Variants in FAM107B observed in about 807,000 individuals in gnomAD.
FAM107B encodes the protein protein FAM107B.
FAM107B carries 21 observed loss-of-function variants against 31.5 expected under a neutral mutation model. The observed-to-expected ratio is 0.67, with a 90% CI of 0.47 to 0.96. The LOEUF (loss-of-function observed/expected upper bound fraction) is 0.96, where lower values mean the gene tolerates loss of function less well. Ranked by LOEUF, FAM107B falls within the 40% of genes least tolerant of loss-of-function variation. The pLI is 0.00. For synonymous variants in FAM107B, 157 were observed against 141.5 expected, an observed-to-expected ratio of 1.11 and a Z score of -0.78; for missense variants, 452 against 377.1, an observed-to-expected ratio of 1.20 and a Z score of -1.64.
intron 2 of FAM107B, among the ~76,000 whole-genome samples, chr10:14,624,718 A>G (rs11592456): frequency 0.36 from 54,866 of 152,152 alleles, 11,212 homozygotes; most frequent in Non-Finnish European, 0.45. Flanking sequence ...AACAAGCTGC[A>G]CTCATGACAA....
chr10:14,608,846 G>T (rs545141116), intron 2 of FAM107B, among the ~76,000 whole-genome samples: 19 of 152,328 alleles, frequency 1.2e-4, no homozygotes, highest in African/African-American at 4.6e-4. Flanking sequence ...GCTGTACTAG[G>T]AGAGGAGGAA....
At chr10:14,556,789 G>C (rs1849742299) in intron 2 of FAM107B, among the ~76,000 whole-genome samples, 1 of 152,138 alleles carries the variant, frequency 6.6e-6, no homozygotes, top group African/African-American at 2.4e-5. Flanking sequence ...CGTGCACTAA[G>C]AATGGACTTT....
chr10:14,663,418 T>C (rs66914313), intron 2 of FAM107B: 13,111 of 152,312 alleles, frequency 0.086, 577 homozygotes, highest in East Asian at 0.19. Context: ...CCCATCCAAG[T>C]ACTAACCAGG....
chr10:14,568,234 C>A (rs1338758702), intron 2 of FAM107B, among the ~76,000 whole-genome samples: 1 of 152,014 alleles, frequency 6.6e-6, no homozygotes, highest in East Asian at 1.9e-4. Flanking sequence ...GATCCCAAGG[C>A]ACATACAGGG....
intron 2 of FAM107B, among the ~76,000 whole-genome samples, chr10:14,619,193 A>G (rs555161598): frequency 1.3e-4 from 20 of 152,254 alleles, no homozygotes; most frequent in African/African-American, 4.8e-4. Context: ...GTTTTAAGCC[A>G]CTCACTTTGC....
At chr10:14,741,670 A>T (rs1054195914) in intron 1 of FAM107B, among the ~76,000 whole-genome samples, 3 of 151,536 alleles carry the variant, frequency 2.0e-5, no homozygotes, top group African/African-American at 7.3e-5. Flanking sequence ...ACATGTGACA[A>T]AATGGTGTTA....
At chr10:14,522,981 C>G (rs2130768166) in intron 3 of FAM107B, among the ~76,000 whole-genome samples, 1 of 152,224 alleles carries the variant, frequency 6.6e-6, no homozygotes, top group Middle Eastern at 3.4e-3. Flanking sequence ...TCAGGGAAGT[C>G]CTACATTTCT....
chr10:14,690,252 C>A (rs1374747195), intron 1 of FAM107B, among the ~76,000 whole-genome samples: 2 of 152,206 alleles, frequency 1.3e-5, no homozygotes, highest in Non-Finnish European at 2.9e-5. Flanking sequence ...ACTCCACTGG[C>A]TCTCACCTTC....
At chr10:14,553,312 C>A in intron 2 of FAM107B, 1 of 1,248,890 alleles carries the variant, frequency 8.0e-7, no homozygotes, top group South Asian at 1.4e-5. Flanking sequence ...GTAAATTTCC[C>A]CACACTTACT....
At chr10:14,677,051 A>C (rs1314478090) in intron 1 of FAM107B, among the ~76,000 whole-genome samples, 2 of 152,126 alleles carry the variant, frequency 1.3e-5, no homozygotes, top group Admixed American at 6.5e-5. Flanking sequence ...TCAAGACTTT[A>C]TTGTAGCCCA....
chr10:14,625,320 T>C (rs115067865), intron 2 of FAM107B, among the ~76,000 whole-genome samples: 221 of 151,870 alleles, frequency 1.5e-3, no homozygotes, highest in African/African-American at 5.1e-3. Context: ...TTTTTCAACC[T>C]GCCATGAAAT....
chr10:14,680,856 C>T (rs1157016172), intron 1 of FAM107B, among the ~76,000 whole-genome samples: 1 of 152,134 alleles, frequency 6.6e-6, no homozygotes, highest in Non-Finnish European at 1.5e-5. Context: ...TGCCCAATCC[C>T]ACCCATTTCT....
At chr10:14,641,891 G>A (rs1853637790) in intron 2 of FAM107B, among the ~76,000 whole-genome samples, 1 of 152,164 alleles carries the variant, frequency 6.6e-6, no homozygotes, top group African/African-American at 2.4e-5. Context: ...AGCTCCAAGA[G>A]TCTTAACTTG....
intron 2 of FAM107B, among the ~76,000 whole-genome samples, chr10:14,580,565 G>T (rs1470585718): frequency 6.6e-6 from 1 of 152,052 alleles, no homozygotes; most frequent in African/African-American, 2.4e-5. Context: ...AAAATATCAT[G>T]GTATGATTGT....
chr10:14,734,488 G>GTGTTTTTTTTTTTTGTTT (rs558940939), intron 1 of FAM107B, among the ~76,000 whole-genome samples: 1 of 138,546 alleles, frequency 7.2e-6, no homozygotes, highest in African/African-American at 2.7e-5. Context: ...TTTTTGTGAG[G>GTGTTTTTTTTTTTTGTTT]TTTTTTTTTT....
intron 2 of FAM107B, among the ~76,000 whole-genome samples, chr10:14,540,611 C>T (rs958422579): frequency 6.6e-6 from 1 of 152,208 alleles, no homozygotes; most frequent in Admixed American, 6.5e-5. Context: ...ACCAGCAGTC[C>T]AGGCAGAGGG....
chr10:14,675,496 C>G (rs1055219328), intron 1 of FAM107B, among the ~76,000 whole-genome samples: 4 of 152,100 alleles, frequency 2.6e-5, no homozygotes, highest in Non-Finnish European at 5.9e-5. Context: ...TTCCATTTGT[C>G]TCCACCTGTT....
Position 14,686,037 on chromosome 10 carries a change from T to G in FAM107B, c.412-18346A>C, listed in dbSNP as rs142317283. Among the ~76,000 whole-genome samples, 483 of 151,966 alleles carry G rather than the reference T, an allele frequency of 3.2e-3. 6 individuals carry two copies. The East Asian group carries it at 0.049, about 15-fold the overall frequency. On this transcript the variant is annotated intron_variant, in intron 1 of 4. Coordinates refer to ENST00000181796, the MANE Select transcript of FAM107B (RefSeq NM_031453.4). ...AACCATCTAGGGGACCCCACCCCCC[T>G]GATTCAATTATCTCCACCTAGCTCT... is the stretch of plus-strand genomic sequence containing the variant.
intron 1 of FAM107B, among the ~76,000 whole-genome samples, chr10:14,768,188 C>T (rs960524577): frequency 2.2e-4 from 34 of 152,088 alleles, no homozygotes; most frequent in Non-Finnish European, 1.2e-4. Flanking sequence ...ATCTTGTGTT[C>T]ATGGATTAGA....
Sources: gnomAD v4.1 joint callset for allele counts (sites outside exome capture counted in the v4.1 genomes callset) on GRCh38, gnomAD v4.1.1 for gene constraint, MANE v1.5 for transcripts, NCBI Gene and HGNC (gene_info 2026-07-23, HGNC 2026-07-21) for gene names.